Variants in MRPL14 observed in about 807,000 individuals in gnomAD.
MRPL14 encodes the protein mitochondrial ribosomal protein L14.
In MRPL14, 8 loss-of-function variants were observed where a neutral mutation model predicts 10.9. The ratio of observed to expected loss-of-function variants is 0.74; its 90% CI spans 0.43 to 1.33. The LOEUF (loss-of-function observed/expected upper bound fraction) is 1.33. MRPL14 is among the 40% of genes most tolerant of loss of function. The probability of loss-of-function intolerance (pLI) is 0.01; values close to 1 mark genes in which losing one functional copy is unlikely to be tolerated. For synonymous variants in MRPL14, 82 were observed against 74.1 expected (o/e 1.11, Z -0.54); for missense variants, 179 against 194.5 (o/e 0.92, Z 0.47).
At chr6:44,126,121 C>G (rs577903506) in intron 1 of MRPL14, among the ~76,000 whole-genome samples, 1 of 152,266 alleles carries the variant, frequency 6.6e-6, no homozygotes, top group South Asian at 2.1e-4. Context: ...TGACTGAAAA[C>G]TCAGGCAAAG....
chr6:44,123,928 T>C (rs559697420), intron 1 of MRPL14, among the ~76,000 whole-genome samples: 3 of 152,292 alleles, frequency 2.0e-5, no homozygotes, highest in Admixed American at 1.3e-4. Flanking sequence ...TTATTCAAGA[T>C]GGTTTTTCAA....
intron 1 of MRPL14, among the ~76,000 whole-genome samples, chr6:44,120,561 C>T (rs1024828641): frequency 3.9e-5 from 6 of 152,180 alleles, no homozygotes; most frequent in African/African-American, 1.4e-4. Context: ...ACCCAAAGGA[C>T]TCAGACATCA....
Position 44,120,287 on chromosome 6 carries a change from T to C in MRPL14, c.-18-3658A>G, listed in dbSNP as rs140580551. Among the ~76,000 whole-genome samples, 394 of 152,298 alleles carry C rather than the reference T, an allele frequency of 2.6e-3. 3 individuals are homozygous for C. The highest frequency in any genetic ancestry group is 9.0e-3 in the African/African-American group (375 of 41,558). ...ATCCAAACACCCACAATGAGTAAAT[T>C]TGTATACTTTGAGATAAGTCTGATG... On this transcript the variant is annotated intron_variant, in intron 1 of 2. Transcript: ENST00000372014.
chr6:44,122,960 CAT>C (rs1294497151), intron 1 of MRPL14, among the ~76,000 whole-genome samples: 1 of 152,218 alleles, frequency 6.6e-6, no homozygotes, highest in South Asian at 2.1e-4. Context: ...CTTACAGACT[CAT>C]TACTGTTTTT....
At chr6:44,119,388 C>G (rs576012801) in intron 1 of MRPL14, among the ~76,000 whole-genome samples, 113 of 152,064 alleles carry the variant, frequency 7.4e-4, no homozygotes, top group African/African-American at 2.5e-3. Flanking sequence ...ATAAGCCGGG[C>G]ATGGTGGCGG....
Position 44,113,860 on chromosome 6 carries a change from C to T in MRPL14, c.421G>A (p.Ala141Thr). The T allele has an allele frequency of 6.4e-7, 1 of 1,569,620 alleles. No homozygotes were observed. Among genetic ancestry groups the T allele is most frequent in the Non-Finnish European group, 8.7e-7 (1 of 1,153,394 alleles). Residue 141 changes from alanine to threonine, a missense_variant, in exon 3 of 3, where the codon GCT becomes ACT. Ala to Thr is a moderately conservative substitution (Grantham distance 58). Coordinates refer to ENST00000372014, the MANE Select transcript of MRPL14 (RefSeq NM_032111.4). ...EGEYSKVLAI[A>T]QNFV Reference sequence around the variant, plus strand: ...GGCTCAACTCACACAAAGTTCTGAGCAATGGCCAGCACCTTGGAATACTCG... The same window carrying T: ...GGCTCAACTCACACAAAGTTCTGAGTAATGGCCAGCACCTTGGAATACTCG...
chr6:44,120,986 C>T (rs1371312914), intron 1 of MRPL14, among the ~76,000 whole-genome samples: 1 of 152,174 alleles, frequency 6.6e-6, no homozygotes, highest in East Asian at 1.9e-4. Flanking sequence ...AATGCCTGAT[C>T]CCACCACTAA....
chr6:44,115,494 C>G (rs1212317372), intron 2 of MRPL14, among the ~76,000 whole-genome samples: 15 of 152,108 alleles, frequency 9.9e-5, no homozygotes. Context: ...GTTAATATCA[C>G]CCCCTAAGCA....
rs41282652 is a variant in MRPL14, at chr6:44,113,834, G to A, written c.*9C>T. ...TCACGAGTCCTGCAACCAGAGGCCT[G>A]GGCTCAACTCACACAAAGTTCTGAG... On this transcript the variant is annotated 3_prime_UTR_variant, in exon 3 of 3. Transcript: ENST00000372014. 13,975 of 1,541,530 alleles carry A rather than the reference G, an allele frequency of 9.1e-3. 70 individuals are homozygous for A. Among genetic ancestry groups the A allele is most frequent in the Non-Finnish European group, 0.011 (12,689 of 1,140,828 alleles).
At chr6:44,124,843 A>G (rs1776783278) in intron 1 of MRPL14, among the ~76,000 whole-genome samples, 1 of 152,354 alleles carries the variant, frequency 6.6e-6, no homozygotes, top group East Asian at 1.9e-4. Context: ...AGCCTATAAA[A>G]TAGAAGGCTA....
Position 44,113,757 on chromosome 6 carries a change from A to C in MRPL14, c.*86T>G. 7.1e-7 allele frequency: 1 copy of C among 1,417,654 alleles called. No homozygotes were observed. Among genetic ancestry groups the C allele is most frequent in the Non-Finnish European group, 9.5e-7 (1 of 1,048,650 alleles). 87.8% of individuals were successfully genotyped at this position (1,417,654 alleles called of 1,614,324 possible). ...GTTACCCAGTGTGAAGGGAGCAGCC[A>C]TGTGGCTCCCAAGCTCCCTTAGCAA... On this transcript the variant is annotated 3_prime_UTR_variant, in exon 3 of 3. Coordinates refer to ENST00000372014, the MANE Select transcript of MRPL14 (RefSeq NM_032111.4).
chr6:44,114,002 G>C lies in MRPL14; in HGVS notation c.279C>G (p.Gly93=). The change falls in exon 3 of 3, where the codon GGC becomes GGG. Residue 93 remains glycine, a synonymous_variant. Coordinates refer to ENST00000372014, the MANE Select transcript of MRPL14 (RefSeq NM_032111.4). ...AGTCGAATCTGGGGGTCATTCGGGG[G>C]CCAGGCATGCAGTGCCCCACAATGA... ...KALIVGHCMP[G]PRMTPRFDSN... is the part of the protein sequence containing the mutation. The C allele has an allele frequency of 6.2e-7, 1 of 1,614,154 alleles. No individual in the cohort carries two copies. Among genetic ancestry groups the C allele is most frequent in the East Asian group, 2.2e-5 (1 of 44,882 alleles).
chr6:44,117,229 C>T (rs369684367), intron 1 of MRPL14, among the ~76,000 whole-genome samples: 1 of 126,794 alleles, frequency 7.9e-6, no homozygotes, highest in Non-Finnish European at 1.7e-5. Context: ...CTCCCAAACA[C>T]TGTAACATGG....
chr6:44,124,868 T>C (rs1021017835), intron 1 of MRPL14, among the ~76,000 whole-genome samples: 1 of 152,156 alleles, frequency 6.6e-6, no homozygotes, highest in Non-Finnish European at 1.5e-5. Context: ...ATAACCTGCT[T>C]TTCGAGACCC....
intron 1 of MRPL14, among the ~76,000 whole-genome samples, 194 bp from the exon 2 acceptor site, chr6:44,116,823 A>G (rs1775896958): frequency 1.3e-5 from 2 of 152,302 alleles, no homozygotes; most frequent in East Asian, 3.9e-4. Flanking sequence ...TTCACATTCT[A>G]ACTCTGGGGT....
At chr6:44,127,152 T>TCGGGACC (rs1777194241) in intron 1 of MRPL14, 192 bp downstream of exon 1, 1 of 108,806 alleles carries the variant, frequency 9.2e-6, no homozygotes, top group Non-Finnish European at 2.2e-5. Flanking sequence ...GTAAGGGGCC[T>TCGGGACC]CCCCTCCCCG....
In MRPL14 at chr6:44,117,840, G is replaced by GTT. The variant is rs56204643; in HGVS notation, c.-18-1213_-18-1212dup. On this transcript the variant is annotated intron_variant, in intron 1 of 2. Transcript: ENST00000372014. ...CCAGGACGCCTGGCTAATTTTTTGT[G>GTT]TTTTTTTTTTTTTTTTTTTTTTTTT... Among the ~76,000 whole-genome samples the GTT allele has an allele frequency of 2.1e-3, 160 of 75,372 alleles. 5 individuals are homozygous for GTT. The highest frequency in any genetic ancestry group is 5.0e-3 in the African/African-American group (94 of 18,970). The allele number at this position is 75,372 out of a possible 152,430, so 49.4% of individuals were successfully genotyped here. A position where few individuals can be genotyped will look rare whatever the true frequency, so the allele number is the denominator to read the frequency against.
chr6:44,118,905 G>A (rs770699836), intron 1 of MRPL14, among the ~76,000 whole-genome samples: 4 of 152,056 alleles, frequency 2.6e-5, no homozygotes, highest in Admixed American at 6.5e-5. Context: ...TGGAAGTTGC[G>A]GTGAGCCGAG....
chr6:44,122,930 A>G (rs533747852), intron 1 of MRPL14, among the ~76,000 whole-genome samples: 14 of 152,336 alleles, frequency 9.2e-5, no homozygotes, highest in Middle Eastern at 3.4e-3. Context: ...TTCTGGACCA[A>G]TAAGTACTTT....
Sources: gnomAD v4.1 joint callset for allele counts (sites outside exome capture counted in the v4.1 genomes callset) on GRCh38, gnomAD v4.1.1 for gene constraint, MANE v1.5 for transcripts, NCBI Gene and HGNC (gene_info 2026-07-23, HGNC 2026-07-21) for gene names.